KIAA1586: variants seen among roughly 807,000 people sequenced by gnomAD.
KIAA1586 encodes the protein KIAA1586.
Under a neutral mutation model 6.1 loss-of-function variants are expected in KIAA1586, and 5 were observed. The ratio of observed to expected loss-of-function variants is 0.82; its 90% CI spans 0.43 to 1.73. KIAA1586 has a LOEUF of 1.73. KIAA1586 is among the 40% of genes most tolerant of loss of function. KIAA1586 has a pLI of 0.02. For missense variants in KIAA1586, 899 were observed against 878.2 expected, an observed-to-expected ratio of 1.02 and a Z score of -0.30; for synonymous variants, 280 against 301.7, an observed-to-expected ratio of 0.93 and a Z score of 0.75.
chr6:57,052,582 A>T (rs1234789256), intron 3 of KIAA1586, 104 bp from the exon 4 acceptor site: 1 of 828,048 alleles, frequency 1.2e-6, no homozygotes, highest in South Asian at 3.1e-5. Flanking sequence ...TAAATATTTA[A>T]GTTTAAAATG....
Position 57,046,712 on chromosome 6 carries a change from G to A in KIAA1586, c.-44G>A. 2 of 1,610,910 alleles carry A rather than the reference G, an allele frequency of 1.2e-6. No homozygotes were observed. Among genetic ancestry groups the A allele is most frequent in the Non-Finnish European group, 1.7e-6 (2 of 1,178,790 alleles). On this transcript the variant is annotated 5_prime_UTR_variant, in exon 1 of 4. Coordinates refer to ENST00000370733, the MANE Select transcript of KIAA1586 (RefSeq NM_020931.4). ...GGGAGTGGTGGCGGCTGCGGCAGTA[G>A]GGACAGCAGGAGCAGTGGTGCTGTC...
rs149454682 is a variant in KIAA1586, at chr6:57,053,353, G to T, written c.854G>T (p.Arg285Leu). 5 of 1,611,964 alleles carry T rather than the reference G, an allele frequency of 3.1e-6. No individual in the cohort carries two copies. Among genetic ancestry groups the T allele is most frequent in the East Asian group, 4.5e-5 (2 of 44,822 alleles). ...GGAGAGGTAAATTGTTTAAATACAC[G>T]TTACAGTGCAACAAGAATAGCAGAA... ...KNGEVNCLNTRYSATRIAEHI... is the reference protein window; with the variant it reads ...KNGEVNCLNTLYSATRIAEHI... Residue 285 changes from arginine (R) to leucine (L), a missense_variant, in exon 4 of 4, where the codon CGT becomes CTT. By Grantham distance (102) the Arg-to-Leu change is moderately radical. Transcript: ENST00000370733.
rs1169389550 is a variant in KIAA1586, at chr6:57,053,747, G to T, written c.1248G>T (p.Trp416Cys). ...LLENFPEIIIWNCLNHRLQLS... is the reference protein window; with the variant it reads ...LLENFPEIIICNCLNHRLQLS... ...AAAATTTTCCTGAAATCATCATTTG[G>T]AACTGTTTAAATCATCGATTACAAT... Residue 416 changes from tryptophan to cysteine, a missense_variant, in exon 4 of 4, where the codon TGG becomes TGT. Coordinates refer to ENST00000370733, the MANE Select transcript of KIAA1586 (RefSeq NM_020931.4). 9 of 1,607,512 alleles carry T rather than the reference G, an allele frequency of 5.6e-6. No homozygotes were observed. Among genetic ancestry groups the T allele is most frequent in the South Asian group, 1.1e-5 (1 of 90,090 alleles).
chr6:57,054,929 CTT>C lies in KIAA1586; in HGVS notation c.*77_*78del, dbSNP rs113758379. On this transcript the variant is annotated 3_prime_UTR_variant, in exon 4 of 4. Transcript: ENST00000370733. ...ACACATCCTTTATATACATAAAGGT[CTT>C]TTTTTTTTTTGGAAAGCCAGTTAAA... 7.0e-4 allele frequency: 734 copies of C among 1,048,496 alleles called. No individual in the cohort carries two copies. The highest frequency in any genetic ancestry group is 1.9e-3 in the South Asian group (74 of 38,712). 64.9% of individuals were successfully genotyped at this position (1,048,496 alleles called of 1,614,324 possible).
the KIAA1586 span, among the ~76,000 whole-genome samples, chr6:57,064,152 T>C: frequency 1.7e-4 from 26 of 152,344 alleles, no homozygotes; most frequent in South Asian, 5.2e-3. Flanking sequence ...GCATGCATAA[T>C]GGTTTCTTTG....
the KIAA1586 span, among the ~76,000 whole-genome samples, chr6:57,064,969 G>T: frequency 6.6e-6 from 1 of 152,056 alleles, no homozygotes; most frequent in African/African-American, 2.4e-5. Flanking sequence ...TTTTCTCTCT[G>T]CATTCCATCC....
rs1828473418 is a variant in KIAA1586 at position 57,055,037 on chromosome 6, T to TA, written c.*175dup. 4 of 712,178 alleles carry TA rather than the reference T, an allele frequency of 5.6e-6. No homozygotes were observed. In the Admixed American group the frequency reaches 1.4e-4, roughly 24 times the overall value. 44.1% of individuals were successfully genotyped at this position (712,178 alleles called of 1,614,324 possible). A position where few individuals can be genotyped will look rare whatever the true frequency, so the allele number is the denominator to read the frequency against. Reference sequence around the variant, plus strand: ...ATTGGTTTTAGAAGCTATAGTTTTTTAGAGATTGGCCCATGTTTGCTAGAG... The same window carrying TA: ...ATTGGTTTTAGAAGCTATAGTTTTTTAAGAGATTGGCCCATGTTTGCTAGAG... On this transcript the variant is annotated 3_prime_UTR_variant, in exon 4 of 4. Transcript: ENST00000370733.
the KIAA1586 span, among the ~76,000 whole-genome samples, chr6:57,063,809 G>A: frequency 2.6e-5 from 4 of 152,022 alleles, no homozygotes; most frequent in South Asian, 4.2e-4. Flanking sequence ...ATTTTTAAGC[G>A]AAAACACCTA....
At chr6:57,055,569 A>C (rs193177151), downstream of KIAA1586, among the ~76,000 whole-genome samples, 73 of 152,338 alleles carry the variant, frequency 4.8e-4, no homozygotes, top group Admixed American at 3.8e-3. Flanking sequence ...AAATTGATGT[A>C]ACATCATGTT....
intron 3 of KIAA1586, among the ~76,000 whole-genome samples, chr6:57,052,240 T>C (rs1207024280): frequency 2.0e-5 from 3 of 152,144 alleles, no homozygotes; most frequent in Non-Finnish European, 2.9e-5. Context: ...TAAAAAGTAA[T>C]ACATTATAAA....
chr6:57,050,844 A>T lies in KIAA1586; in HGVS notation c.176A>T (p.Tyr59Phe), dbSNP rs781449083. The T allele has an allele frequency of 3.1e-6, 5 of 1,608,478 alleles. No homozygotes were observed. In the South Asian group the frequency reaches 4.4e-5, roughly 14 times the overall value. ...VCGDDENPSA[Y>F]YSDILFPKMP... The stretch of plus-strand genomic sequence containing the variant: ...GGTGATGATGAAAACCCTAGCGCCT[A>T]TTATAGTGATGTAAGCACATTATAT... Residue 59 changes from tyrosine (Y) to phenylalanine (F), a missense_variant, in exon 3 of 4, where the codon TAT becomes TTT. Transcript: ENST00000370733.
rs1266653809 is a variant in KIAA1586, at chr6:57,052,729, A to G, written c.230A>G (p.His77Arg). 9 of 1,574,846 alleles carry G rather than the reference A, an allele frequency of 5.7e-6. No individual in the cohort carries two copies. Among genetic ancestry groups the G allele is most frequent in the Non-Finnish European group, 7.7e-6 (9 of 1,164,106 alleles). Residue 77 changes from histidine (H) to arginine (R), a missense_variant, in exon 4 of 4, where the codon CAT becomes CGT. Transcript: ENST00000370733. The part of the protein sequence containing the change: ...KMPKRQGDFL[H>R]FLNVKKVKTD... ...CCAAAACGACAGGGTGATTTTTTGC[A>G]TTTTTTAAATGTGAAGAAGGTGAAA...
At chr6:57,048,036 A>G (rs985111654) in intron 2 of KIAA1586, among the ~76,000 whole-genome samples, 1 of 150,910 alleles carries the variant, frequency 6.6e-6, no homozygotes, top group African/African-American at 2.5e-5. Context: ...AGGAATCTTC[A>G]TTTTCAGACA....
At chr6:57,058,072 G>A (rs1828522389), downstream of KIAA1586, among the ~76,000 whole-genome samples, 2 of 152,002 alleles carry the variant, frequency 1.3e-5, no homozygotes, top group Non-Finnish European at 2.9e-5. Flanking sequence ...CGATATTACA[G>A]GTGTGAGCCA....
At chr6:57,050,433 T>C (rs998252916) in intron 2 of KIAA1586, among the ~76,000 whole-genome samples, 6 of 151,734 alleles carry the variant, frequency 4.0e-5, no homozygotes, top group Admixed American at 1.3e-4. Flanking sequence ...TCCTCTCACC[T>C]CAGCCTCCCA....
In KIAA1586 at chr6:57,054,186, G is replaced by C; in HGVS notation, c.1687G>C (p.Ala563Pro). Residue 563 changes from alanine (A) to proline (P), a missense_variant, in exon 4 of 4, where the codon GCT (alanine) becomes CCT (proline). Coordinates refer to ENST00000370733, the MANE Select transcript of KIAA1586 (RefSeq NM_020931.4). ...AAAATTGATCAAACGTACCATAAGAGCTTTGGAAAATTTAAAAATTGGTAC... is the reference window on the plus strand; with the variant it reads ...AAAATTGATCAAACGTACCATAAGACCTTTGGAAAATTTAAAAATTGGTAC... The part of the protein sequence containing the change: ...AQKLIKRTIR[A>P]LENLKIGTGK... The C allele has an allele frequency of 1.3e-6, 2 of 1,592,154 alleles. No individual in the cohort carries two copies. The highest frequency in any genetic ancestry group is 1.7e-6 in the Non-Finnish European group (2 of 1,172,596).
chr6:57,061,085 C>G, the KIAA1586 span, among the ~76,000 whole-genome samples: 1 of 151,732 alleles, frequency 6.6e-6, no homozygotes, highest in East Asian at 1.9e-4. Context: ...TCAAGCGATT[C>G]TCCTGCCTCA....
At chr6:57,060,545 G>A in the KIAA1586 span, among the ~76,000 whole-genome samples, 3 of 152,128 alleles carry the variant, frequency 2.0e-5, no homozygotes, top group Admixed American at 6.5e-5. Context: ...CTACTGAAAA[G>A]CTTTTACTGG....
At chr6:57,059,959 T>C (rs1043069331), downstream of KIAA1586, among the ~76,000 whole-genome samples, 3 of 152,210 alleles carry the variant, frequency 2.0e-5, no homozygotes, top group African/African-American at 4.8e-5. Flanking sequence ...ATTATTTTTC[T>C]TGCTTAGAGT....
Sources: allele counts gnomAD v4.1 joint callset (sites outside exome capture counted in the v4.1 genomes callset), GRCh38; gene constraint gnomAD v4.1.1; transcripts MANE v1.5; gene names NCBI Gene and HGNC (gene_info 2026-07-23, HGNC 2026-07-21).